Variants in CNTNAP5 observed in about 807,000 individuals in gnomAD.
The protein encoded by CNTNAP5 is contactin-associated protein-like 5.
A neutral mutation model predicts 150.2 loss-of-function variants in CNTNAP5; 72 were observed. The ratio of observed to expected loss-of-function variants is 0.48; its 90% CI spans 0.40 to 0.58. CNTNAP5 has a LOEUF of 0.58. CNTNAP5 is among the 20% of genes least tolerant of loss of function. The pLI, the probability that CNTNAP5 is intolerant of heterozygous loss-of-function variation, is 0.00. For synonymous variants in CNTNAP5, 672 were observed against 619.8 expected, an observed-to-expected ratio of 1.08 and a Z score of -1.25; for missense variants, 1,636 against 1,626.2, an observed-to-expected ratio of 1.01 and a Z score of -0.10.
intron 22 of CNTNAP5, 32 bp from the exon 23 acceptor site, chr2:124,911,435 A>C: frequency 6.6e-7 from 1 of 1,515,702 alleles, no homozygotes; most frequent in Non-Finnish European, 9.0e-7. Context: ...TTTGAGTGAG[A>C]AGTAAAGTCC....
chr2:124,194,297 G>GT (rs1398939337), intron 1 of CNTNAP5, among the ~76,000 whole-genome samples: 3 of 143,386 alleles, frequency 2.1e-5, no homozygotes, highest in Non-Finnish European at 3.1e-5. Flanking sequence ...AGGACCACAG[G>GT]TGGGAGCAAC....
intron 2 of CNTNAP5, among the ~76,000 whole-genome samples, chr2:124,236,585 T>C (rs1686751280): frequency 6.6e-6 from 1 of 152,220 alleles, no homozygotes; most frequent in Non-Finnish European, 1.5e-5. Flanking sequence ...CTTTCTGTTA[T>C]TCATTACCAT....
At chr2:124,675,483 C>T (rs1365757369) in intron 13 of CNTNAP5, among the ~76,000 whole-genome samples, 1 of 152,030 alleles carries the variant, frequency 6.6e-6, no homozygotes, top group Non-Finnish European at 1.5e-5. Flanking sequence ...ACAGGATTCC[C>T]ACTTGCCATT....
At chr2:124,898,129 T>A (rs1211100996) in intron 21 of CNTNAP5, among the ~76,000 whole-genome samples, 1 of 151,414 alleles carries the variant, frequency 6.6e-6, no homozygotes, top group African/African-American at 2.5e-5. Context: ...AATTTTTACT[T>A]GTATATACTT....
chr2:124,710,230 A>G (rs71428159), intron 13 of CNTNAP5, among the ~76,000 whole-genome samples: 24,328 of 152,068 alleles, frequency 0.16, 2,250 homozygotes, highest in East Asian at 0.24. Context: ...AAGCCCCAAG[A>G]AACTCTTTAT....
chr2:124,066,416 C>T (rs1050948814), intron 1 of CNTNAP5, among the ~76,000 whole-genome samples: 2 of 152,112 alleles, frequency 1.3e-5, no homozygotes, highest in African/African-American at 4.8e-5. Context: ...TTTTTCCCCT[C>T]TGAAACTGTT....
chr2:124,303,427 C>A (rs1205253794), intron 3 of CNTNAP5, among the ~76,000 whole-genome samples: 1 of 152,156 alleles, frequency 6.6e-6, no homozygotes, highest in Non-Finnish European at 1.5e-5. Context: ...GCAGCCTGTC[C>A]ATGTCAACAG....
chr2:124,885,182 G>A (rs1678052561), intron 21 of CNTNAP5, among the ~76,000 whole-genome samples: 1 of 151,962 alleles, frequency 6.6e-6, no homozygotes, highest in African/African-American at 2.4e-5. Context: ...GCCCCTAGGT[G>A]GAATTTCTTC....
rs192722438 is a variant in CNTNAP5 at position 124,564,041 on chromosome 2, G to A, written c.1756+718G>A. On this transcript the variant is annotated intron_variant, in intron 11 of 23. Transcript: ENST00000682447. Reference sequence around the variant, plus strand: ...AAGTGCTAATGACTGCCTGTCAACCGCAGTGTTAGGGAGACTTCAAATAGA... The same window carrying A: ...AAGTGCTAATGACTGCCTGTCAACCACAGTGTTAGGGAGACTTCAAATAGA... Among the ~76,000 whole-genome samples the A allele has an allele frequency of 3.5e-4, 54 of 152,288 alleles. No individual in the cohort carries two copies. The East Asian group carries it at 9.1e-3, about 26-fold the overall frequency.
chr2:124,676,147 A>G (rs1678935193), intron 13 of CNTNAP5, among the ~76,000 whole-genome samples: 1 of 152,192 alleles, frequency 6.6e-6, no homozygotes, highest in South Asian at 2.1e-4. Flanking sequence ...CATTTCTTAA[A>G]TGCCCTGAAC....
chr2:124,906,545 T>C (rs1233163767), intron 22 of CNTNAP5, among the ~76,000 whole-genome samples: 1 of 152,104 alleles, frequency 6.6e-6, no homozygotes, highest in African/African-American at 2.4e-5. Flanking sequence ...AGTAGGAAGA[T>C]AAAAGGTGGG....
chr2:124,125,550 G>A (rs983407083), intron 1 of CNTNAP5, among the ~76,000 whole-genome samples: 1 of 152,128 alleles, frequency 6.6e-6, no homozygotes, highest in Non-Finnish European at 1.5e-5. Flanking sequence ...ACTCAGATCT[G>A]CACCAAGTGG....
chr2:124,127,042 G>C (rs1282609681), intron 1 of CNTNAP5, among the ~76,000 whole-genome samples: 4 of 152,132 alleles, frequency 2.6e-5, no homozygotes, highest in Admixed American at 6.5e-5. Flanking sequence ...TCAACATACT[G>C]TTGGAAGTTC....
At chr2:124,513,955 C>T (rs571377807) in intron 8 of CNTNAP5, among the ~76,000 whole-genome samples, 163 of 152,262 alleles carry the variant, frequency 1.1e-3, no homozygotes, top group African/African-American at 3.9e-3. Context: ...GTAAACATGA[C>T]GAGGCCGCAA....
At chr2:124,813,113 G>A (rs1439074584) in intron 19 of CNTNAP5, among the ~76,000 whole-genome samples, 2 of 151,618 alleles carry the variant, frequency 1.3e-5, no homozygotes, top group African/African-American at 4.9e-5. Context: ...GTCTTGCTCT[G>A]TCGCCCAGGC....
chr2:124,461,620 A>C (rs1231750023), intron 6 of CNTNAP5, among the ~76,000 whole-genome samples: 1 of 151,876 alleles, frequency 6.6e-6, no homozygotes, highest in African/African-American at 2.4e-5. Flanking sequence ...TGGCACATGT[A>C]TACATATATA....
chr2:124,753,113 TA>T (rs1680765507), intron 14 of CNTNAP5, among the ~76,000 whole-genome samples: 1 of 152,162 alleles, frequency 6.6e-6, no homozygotes, highest in Non-Finnish European at 1.5e-5. Context: ...CTCTCGCCCT[TA>T]GTGTACCCTT....
At chr2:124,102,952 A>G (rs925977395) in intron 1 of CNTNAP5, among the ~76,000 whole-genome samples, 3 of 152,170 alleles carry the variant, frequency 2.0e-5, no homozygotes, top group Admixed American at 2.0e-4. Context: ...GAAATACCTG[A>G]ATATCTAAAC....
At chr2:124,912,281 C>T (rs770391263) in intron 23 of CNTNAP5, among the ~76,000 whole-genome samples, 12 of 152,094 alleles carry the variant, frequency 7.9e-5, no homozygotes, top group Non-Finnish European at 1.5e-4. Context: ...TCCCTGCCTT[C>T]TGGAAGCCTA....
Sources: gnomAD v4.1 joint callset for allele counts (sites outside exome capture counted in the v4.1 genomes callset) on GRCh38, gnomAD v4.1.1 for gene constraint, MANE v1.5 for transcripts, NCBI Gene and HGNC (gene_info 2026-07-23, HGNC 2026-07-21) for gene names.